Variants in STT3A observed in about 807,000 individuals in gnomAD.
STT3A encodes the protein STT3 oligosaccharyltransferase complex catalytic subunit A.
In STT3A, 34 loss-of-function variants were observed where a neutral mutation model predicts 89.2. The ratio of observed to expected loss-of-function variants is 0.38; its 90% CI spans 0.29 to 0.51. STT3A has a LOEUF of 0.51. Ranked by LOEUF, STT3A falls within the 20% of genes least tolerant of loss-of-function variation. The pLI, the probability that STT3A is intolerant of heterozygous loss-of-function variation, is 0.89. For synonymous variants in STT3A, 282 were observed against 310.3 expected (o/e 0.91, Z 0.96); for missense variants, 555 against 889.5 (o/e 0.62, Z 4.78).
intron 3 of STT3A, among the ~76,000 whole-genome samples, chr11:125,598,446 G>A (rs2135907576): frequency 6.6e-6 from 1 of 152,270 alleles, no homozygotes. Flanking sequence ...ATTCAATCTT[G>A]TGGAGTATTG....
At chr11:125,610,191 T>A (rs1294596822) in intron 10 of STT3A, among the ~76,000 whole-genome samples, 1 of 151,202 alleles carries the variant, frequency 6.6e-6, no homozygotes, top group Non-Finnish European at 1.5e-5. Context: ...CCCTCCTGAG[T>A]AGCTGGGACT....
At chr11:125,605,965 G>A (rs1015991366) in intron 7 of STT3A, among the ~76,000 whole-genome samples, 1 of 152,074 alleles carries the variant, frequency 6.6e-6, no homozygotes, top group African/African-American at 2.4e-5. Context: ...ATTGCATTTA[G>A]ATTAATTCTG....
In STT3A at chr11:125,602,432, G is replaced by T. The variant is rs777282150; in HGVS notation, c.271+8G>T. 72 of 1,565,214 alleles carry T rather than the reference G, an allele frequency of 4.6e-5. 1 individual carries two copies. In the South Asian group the frequency reaches 8.6e-4, roughly 19 times the overall value. ...GAGGAACAATTTACCCAGGTGAGGA[G>T]ACCAGATGTGTTTTTTTTTTTAAAA... On this transcript the variant is annotated splice_region_variant and intron_variant, in intron 4 of 17. Coordinates refer to ENST00000392708, the MANE Select transcript of STT3A (RefSeq NM_152713.5).
intron 1 of STT3A, chr11:125,593,720 T>C (rs1939391250): frequency 1.3e-5 from 2 of 152,234 alleles, no homozygotes; most frequent in South Asian, 4.1e-4. Flanking sequence ...TATTTTTAGT[T>C]GCAAAGTAAG....
intron 2 of STT3A, among the ~76,000 whole-genome samples, chr11:125,596,334 G>T (rs1331368679): frequency 6.6e-6 from 1 of 152,108 alleles, no homozygotes; most frequent in Non-Finnish European, 1.5e-5. Flanking sequence ...GTGTGGTGGT[G>T]GATGCCTGTA....
chr11:125,592,751 T>C (rs866280390), upstream of STT3A: 13 of 291,472 alleles, frequency 4.5e-5, no homozygotes, highest in Middle Eastern at 1.4e-3. Flanking sequence ...GCCTCCGGAT[T>C]TGACAGACAG....
intron 3 of STT3A, among the ~76,000 whole-genome samples, chr11:125,600,569 C>A (rs1939643310): frequency 6.6e-6 from 1 of 151,820 alleles, no homozygotes; most frequent in African/African-American, 2.4e-5. Flanking sequence ...CTCTATGTTG[C>A]CCAGGCTGAT....
intron 12 of STT3A, 70 bp downstream of exon 12, chr11:125,612,817 CG>C: frequency 6.4e-7 from 1 of 1,568,848 alleles, no homozygotes; most frequent in Non-Finnish European, 8.7e-7. Context: ...ATGTGGGCAG[CG>C]GGGGGTGGGA....
At chr11:125,611,791 C>T (rs758607023) in intron 11 of STT3A, among the ~76,000 whole-genome samples, 9 of 147,232 alleles carry the variant, frequency 6.1e-5, no homozygotes, top group African/African-American at 1.3e-4. Flanking sequence ...TGTCTTAAAA[C>T]GGGAGATGAT....
intron 7 of STT3A, 139 bp downstream of exon 7, chr11:125,605,874 T>G (rs1190320746): frequency 3.1e-6 from 2 of 640,832 alleles, no homozygotes; most frequent in Non-Finnish European, 5.3e-6. Flanking sequence ...TTTCTGTTCA[T>G]ACTTACGTAT....
chr11:125,609,388 T>C (rs1175117945), intron 9 of STT3A, 46 bp from the exon 10 acceptor site: 1 of 1,517,478 alleles, frequency 6.6e-7, no homozygotes, highest in Admixed American at 2.2e-5. Context: ...ATCAGATGTT[T>C]GTTTGAAGAG....
intron 2 of STT3A, 134 bp downstream of exon 2, chr11:125,596,137 A>G: frequency 1.4e-6 from 1 of 729,078 alleles, no homozygotes; most frequent in Non-Finnish European, 2.3e-6. Context: ...TCATTAGTAT[A>G]ATTTTATGAA....
At chr11:125,609,665 A>T in intron 10 of STT3A, 76 bp downstream of exon 10, 8 of 1,537,754 alleles carry the variant, frequency 5.2e-6, no homozygotes, top group Non-Finnish European at 7.0e-6. Context: ...AGCTACCCTC[A>T]TTCGTGTTTT....
intron 3 of STT3A, among the ~76,000 whole-genome samples, chr11:125,598,009 C>T (rs886945561): frequency 6.6e-6 from 1 of 152,102 alleles, no homozygotes; most frequent in African/African-American, 2.4e-5. Context: ...GTCAGGAGTT[C>T]GAGACCAGCC....
chr11:125,611,947 G>A (rs969236341), intron 11 of STT3A, among the ~76,000 whole-genome samples: 2 of 129,324 alleles, frequency 1.5e-5, no homozygotes, highest in Non-Finnish European at 3.1e-5. Flanking sequence ...GCGTGGTCCC[G>A]GCTCACCACA....
intron 2 of STT3A, among the ~76,000 whole-genome samples, chr11:125,596,246 C>T (rs1013251442): frequency 2.6e-5 from 4 of 152,186 alleles, no homozygotes; most frequent in Non-Finnish European, 5.9e-5. Context: ...GGGTGGATCA[C>T]TTGAGGCTGG....
In STT3A at chr11:125,614,839, A is replaced by T. The variant is rs1286806095; in HGVS notation, c.1774+413A>T. ...AAAGAGAACATTTTATATATATATA[A>T]AATATATATAAATAAAAGTGTGTGT... is the stretch of plus-strand genomic sequence containing the variant. On this transcript the variant is annotated intron_variant, in intron 15 of 17. Transcript: ENST00000392708. This position sits in a 1 kb window ranked among gnomAD's most constrained non-coding sequence, Gnocchi z 4.9. Among the ~76,000 whole-genome samples, 3 of 151,514 alleles carry T rather than the reference A, an allele frequency of 2.0e-5. No homozygotes were observed. Among genetic ancestry groups the T allele is most frequent in the Non-Finnish European group, 4.4e-5 (3 of 67,910 alleles).
chr11:125,620,233 C>T lies in STT3A; in HGVS notation c.2079+107C>T, dbSNP rs1357551405. 25 of 838,128 alleles carry T rather than the reference C, an allele frequency of 3.0e-5. 1 individual carries two copies. The Admixed American group carries it at 4.5e-4, about 15-fold the overall frequency. The allele number at this position is 838,128 out of a possible 1,614,324, so 51.9% of individuals were successfully genotyped here. On this transcript the variant is annotated intron_variant, in intron 17 of 17. Transcript: ENST00000392708. ...TCTCAAATAGGGAAATTTCTCATGA[C>T]ACCTGTGCTTGAAAAGTAGCTTGCA...
At position 125,606,482 on chromosome 11, in the gene STT3A, G is replaced by A. The variant is rs1401540466; in HGVS notation, c.780+17G>A. ...GGTTTCCAGGTGAGCCCTTGACTGAGTAGGGTTTTCAGCTTCTACTTTTTC... is the reference window on the plus strand; with the variant it reads ...GGTTTCCAGGTGAGCCCTTGACTGAATAGGGTTTTCAGCTTCTACTTTTTC... On this transcript the variant is annotated intron_variant, in intron 8 of 17. Coordinates refer to ENST00000392708, the MANE Select transcript of STT3A (RefSeq NM_152713.5). The A allele has an allele frequency of 1.2e-6, 2 of 1,600,248 alleles. No homozygotes were observed. The highest frequency in any genetic ancestry group is 1.7e-6 in the Non-Finnish European group (2 of 1,174,992).
Sources: gnomAD v4.1 joint callset for allele counts (sites outside exome capture counted in the v4.1 genomes callset) on GRCh38, gnomAD v4.1.1 for gene constraint, Gnocchi (gnomAD v3.1) non-coding constraint, MANE v1.5 for transcripts, NCBI Gene and HGNC (gene_info 2026-07-23, HGNC 2026-07-21) for gene names.